Variants in SPOCK1 observed in about 807,000 individuals in gnomAD.
The protein encoded by SPOCK1 is testican-1.
Under a neutral mutation model 55.3 loss-of-function variants are expected in SPOCK1, and 23 were observed. The ratio of observed to expected loss-of-function variants is 0.42; its 90% CI spans 0.30 to 0.59. SPOCK1 has a LOEUF of 0.59. SPOCK1 is among the 20% of genes least tolerant of loss of function. SPOCK1 has a pLI of 0.22. For synonymous variants in SPOCK1, 226 were observed against 221.0 expected, an observed-to-expected ratio of 1.02 and a Z score of -0.20; for missense variants, 499 against 552.5, an observed-to-expected ratio of 0.90 and a Z score of 0.97.
intron 9 of SPOCK1, among the ~76,000 whole-genome samples, chr5:136,981,910 T>C (rs572914826): frequency 2.0e-5 from 3 of 152,364 alleles, no homozygotes; most frequent in African/African-American, 7.2e-5. Flanking sequence ...CACATAATGA[T>C]GTTTTAGTCA....
chr5:137,136,041 G>T (rs1753977297), intron 4 of SPOCK1, among the ~76,000 whole-genome samples: 1 of 152,196 alleles, frequency 6.6e-6, no homozygotes, highest in South Asian at 2.1e-4. Flanking sequence ...TTTTCACTCA[G>T]AGTGACTTGT....
At chr5:137,102,228 G>C (rs1326659442) in intron 5 of SPOCK1, among the ~76,000 whole-genome samples, 1 of 152,122 alleles carries the variant, frequency 6.6e-6, no homozygotes, top group Non-Finnish European at 1.5e-5. Context: ...GCCAACCATA[G>C]GGCCATATCA....
At chr5:137,036,589 T>A (rs1288091234) in intron 6 of SPOCK1, among the ~76,000 whole-genome samples, 1 of 152,200 alleles carries the variant, frequency 6.6e-6, no homozygotes, top group Non-Finnish European at 1.5e-5. Flanking sequence ...AGTAAATCAA[T>A]GAATGAATGA....
Position 136,998,870 on chromosome 5 carries a change from C to A in SPOCK1, c.590-6270G>T, listed in dbSNP as rs562811717. ...GACAGCTCTCTCCCCCAGGAAAGCA[C>A]AGCACTCAGGCAGAGAAGGGCCCAG... On this transcript the variant is annotated intron_variant, in intron 6 of 10. Transcript: ENST00000394945. Among the ~76,000 whole-genome samples the A allele has an allele frequency of 4.6e-5, 7 of 152,364 alleles. No individual in the cohort carries two copies. In the East Asian group the frequency reaches 5.8e-4, roughly 13 times the overall value.
At chr5:137,181,143 G>C (rs1265994018) in intron 3 of SPOCK1, among the ~76,000 whole-genome samples, 1 of 152,208 alleles carries the variant, frequency 6.6e-6, no homozygotes, top group Non-Finnish European at 1.5e-5. Context: ...ACGCTCGATG[G>C]AAGGAATAGT....
chr5:137,019,380 C>CATACCCATAA (rs1293355534), intron 6 of SPOCK1, among the ~76,000 whole-genome samples: 1 of 152,092 alleles, frequency 6.6e-6, no homozygotes, highest in East Asian at 1.9e-4. Flanking sequence ...GTTATACATA[C>CATACCCATAA]AGTTTAGTGC....
chr5:137,116,192 G>A (rs1000547400), intron 4 of SPOCK1, among the ~76,000 whole-genome samples: 2 of 152,196 alleles, frequency 1.3e-5, no homozygotes, highest in Admixed American at 6.5e-5. Context: ...CAAGAAGACA[G>A]ATAATCAACA....
chr5:137,229,769 G>C lies in SPOCK1; in HGVS notation c.232+37241C>G, dbSNP rs571758048. Among the ~76,000 whole-genome samples, 260 of 152,242 alleles carry C rather than the reference G, an allele frequency of 1.7e-3. 1 individual carries two copies. The highest frequency in any genetic ancestry group is 5.7e-3 in the African/African-American group (236 of 41,544). On this transcript the variant is annotated intron_variant, in intron 3 of 10. Coordinates refer to ENST00000394945, the MANE Select transcript of SPOCK1 (RefSeq NM_004598.4). The stretch of plus-strand genomic sequence containing the variant: ...ACAGAGATGGTTTCAGGATGAAACT[G>C]TTCCACCTCAAATCATCAGGCATTA...
At chr5:137,000,044 A>G (rs886777285) in intron 6 of SPOCK1, among the ~76,000 whole-genome samples, 13 of 152,170 alleles carry the variant, frequency 8.5e-5, no homozygotes, top group African/African-American at 2.4e-4. Flanking sequence ...TCAGGGCTCT[A>G]GCAGAAGCAA....
At chr5:137,115,056 A>G (rs768557711) in intron 4 of SPOCK1, among the ~76,000 whole-genome samples, 7 of 152,174 alleles carry the variant, frequency 4.6e-5, no homozygotes, top group Non-Finnish European at 5.9e-5. Context: ...CATCTCTATC[A>G]CTGGACCTGA....
chr5:137,498,259 C>T (rs1754340682), intron 2 of SPOCK1, 114 bp downstream of exon 2: 5 of 1,095,360 alleles, frequency 4.6e-6, no homozygotes, highest in African/African-American at 1.7e-5. Flanking sequence ...ACCTGTCCCC[C>T]TCCCAACCAC....
At chr5:137,174,215 A>AG (rs1324859691) in intron 3 of SPOCK1, among the ~76,000 whole-genome samples, 1 of 152,230 alleles carries the variant, frequency 6.6e-6, no homozygotes, top group African/African-American at 2.4e-5. Flanking sequence ...TTCTGGAAAG[A>AG]GGGACTCTTT....
At chr5:137,311,021 G>A (rs986834595) in intron 2 of SPOCK1, among the ~76,000 whole-genome samples, 1 of 152,174 alleles carries the variant, frequency 6.6e-6, no homozygotes, top group Non-Finnish European at 1.5e-5. Context: ...TCATTCAAGA[G>A]CAAACCTCCG....
intron 3 of SPOCK1, among the ~76,000 whole-genome samples, chr5:137,186,101 G>A (rs1755064573): frequency 6.6e-6 from 1 of 152,190 alleles, no homozygotes; most frequent in Admixed American, 6.5e-5. Context: ...ATCCTGATCT[G>A]GAGGTGGGAC....
intron 2 of SPOCK1, among the ~76,000 whole-genome samples, chr5:137,336,836 G>A (rs985317862): frequency 6.6e-6 from 1 of 152,204 alleles, no homozygotes; most frequent in African/African-American, 2.4e-5. Context: ...ACAGCCAGAG[G>A]AATTAAACAT....
chr5:137,364,047 G>A (rs957535855), intron 2 of SPOCK1, among the ~76,000 whole-genome samples: 19 of 152,272 alleles, frequency 1.2e-4, no homozygotes, highest in Admixed American at 2.0e-4. Flanking sequence ...GCCCAGCCCA[G>A]CCCTGCTGCT....
intron 2 of SPOCK1, among the ~76,000 whole-genome samples, chr5:137,374,184 G>A (rs1561518579): frequency 6.6e-6 from 1 of 152,244 alleles, no homozygotes; most frequent in African/African-American, 2.4e-5. Flanking sequence ...ACATGGGCCT[G>A]GGTCTGGGCC....
At chr5:137,089,601 G>A (rs7714302) in intron 5 of SPOCK1, among the ~76,000 whole-genome samples, 143,034 of 152,192 alleles carry the variant, frequency 0.94, 67,882 homozygotes, top group East Asian at 1. Context: ...CAGTGCCTGA[G>A]GTCATCAAGA....
At chr5:137,004,339 A>G (rs1180256972) in intron 6 of SPOCK1, among the ~76,000 whole-genome samples, 1 of 152,144 alleles carries the variant, frequency 6.6e-6, no homozygotes, top group African/African-American at 2.4e-5. Flanking sequence ...AAGGTGTTTT[A>G]GGCTATTCCA....
Sources: gnomAD v4.1 joint callset for allele counts (sites outside exome capture counted in the v4.1 genomes callset) on GRCh38, gnomAD v4.1.1 for gene constraint, MANE v1.5 for transcripts, NCBI Gene and HGNC (gene_info 2026-07-23, HGNC 2026-07-21) for gene names.